The following ECE2 variants were observed in gnomAD, a reference collection of about 807,000 sequenced individuals.
ECE2 encodes the protein endothelin-converting enzyme 2.
A neutral mutation model predicts 100.6 loss-of-function variants in ECE2; 81 were observed. The ratio of observed to expected loss-of-function variants is 0.81; its 90% CI spans 0.67 to 0.97. ECE2 has a LOEUF of 0.97. ECE2 is among the 50% of genes least tolerant of loss of function. ECE2 has a pLI of 0.00. For synonymous variants in ECE2, 391 were observed against 391.5 expected (o/e 1.00, Z 0.02); for missense variants, 911 against 988.1 (o/e 0.92, Z 1.05).
chr3:184,285,414 C>A, intron 9 of ECE2, 64 bp from the exon 10 acceptor site: 2 of 1,267,550 alleles, frequency 1.6e-6, no homozygotes, highest in Non-Finnish European at 2.3e-6. Flanking sequence ...TTCCTGGGGG[C>A]TGGTTTGAGG....
At chr3:184,286,324 G>C (rs747537201) in intron 10 of ECE2, among the ~76,000 whole-genome samples, 1 of 152,172 alleles carries the variant, frequency 6.6e-6, no homozygotes, top group South Asian at 2.1e-4. Flanking sequence ...ACTTGGGAAG[G>C]GATCTGAATA....
At chr3:184,276,617 C>T (rs1228570426) in intron 2 of ECE2, 50 bp downstream of exon 2, 3 of 1,589,032 alleles carry the variant, frequency 1.9e-6, no homozygotes, top group South Asian at 2.3e-5. Flanking sequence ...CCTGGCATGA[C>T]GCCTGGCACA....
rs1334419117 is a variant in ECE2 at position 184,278,330 on chromosome 3, G to T, written c.750+17G>T. 1.2e-6 allele frequency: 2 copies of T among 1,612,942 alleles called. No homozygotes were observed. Among genetic ancestry groups the T allele is most frequent in the East Asian group, 2.2e-5 (1 of 44,886 alleles). On this transcript the variant is annotated intron_variant, in intron 6 of 18. Coordinates refer to ENST00000404464, the MANE Select transcript of ECE2 (RefSeq NM_001100121.2). Reference sequence around the variant, plus strand: ...GTTATCCAGGTGATGAGCTGGGAAAGGGTGGGGAGAGACTTAGGGACACTT... The same window carrying T: ...GTTATCCAGGTGATGAGCTGGGAAATGGTGGGGAGAGACTTAGGGACACTT...
intron 6 of ECE2, 47 bp downstream of exon 6, chr3:184,278,360 G>A (rs1369201888): frequency 1.9e-6 from 3 of 1,602,376 alleles, no homozygotes; most frequent in Non-Finnish European, 2.6e-6. Context: ...ACACTTTGCT[G>A]AGCCCAGACT....
chr3:184,277,161 C>G (rs1720592841), intron 3 of ECE2, 90 bp from the exon 4 acceptor site: 10 of 1,602,052 alleles, frequency 6.2e-6, no homozygotes, highest in Non-Finnish European at 8.5e-6. Context: ...TCTTCCCAAC[C>G]TTCCTGCTGT....
At position 184,289,310 on chromosome 3, in the gene ECE2, C is replaced by T; in HGVS notation, c.1375-127C>T. Reference sequence around the variant, plus strand: ...CTTCTCATCGTCTCCAGGTGCTCAGCCGTATTTCTTTAGTCTAGACGTTCC... The same window carrying T: ...CTTCTCATCGTCTCCAGGTGCTCAGTCGTATTTCTTTAGTCTAGACGTTCC... On this transcript the variant is annotated intron_variant, in intron 11 of 18. Transcript: ENST00000404464. This position sits in a 1 kb window ranked among gnomAD's most constrained non-coding sequence, Gnocchi z 4.1. The T allele has an allele frequency of 1.3e-6, 1 of 788,724 alleles. No individual in the cohort carries two copies. 48.9% of individuals were successfully genotyped at this position (788,724 alleles called of 1,614,324 possible).
At position 184,289,529 on chromosome 3, in the gene ECE2, G is replaced by A. The variant is rs1283162200; in HGVS notation, c.1467G>A (p.Lys489=). The A allele has an allele frequency of 2.5e-6, 4 of 1,613,342 alleles. No individual in the cohort carries two copies. The African/African-American group carries it at 4.0e-5, about 16-fold the overall frequency. The change falls in exon 12 of 19, where the codon AAG becomes AAA. Residue 489 remains lysine (K), a synonymous_variant. Transcript: ENST00000404464. This position sits in a 1 kb window ranked among gnomAD's most constrained non-coding sequence, Gnocchi z 4.1. ...ATGAGAAGACCCGCCAGGCAGCCAA[G>A]GAGAAAGTGAGCGGTGGCTAGGGTT... ...WMDEKTRQAA[K]EKADAIYDMI... is the part of the protein sequence containing the mutation.
intron 7 of ECE2, among the ~76,000 whole-genome samples, chr3:184,283,459 G>A (rs1720888919): frequency 6.7e-6 from 1 of 150,062 alleles, no homozygotes; most frequent in Non-Finnish European, 1.5e-5. Context: ...CTACTTGGGA[G>A]GCTGCAGCAG....
At position 184,287,828 on chromosome 3, in the gene ECE2, C is replaced by T; in HGVS notation, c.1264-9C>T. The T allele has an allele frequency of 6.2e-7, 1 of 1,613,758 alleles. No individual in the cohort carries two copies. Among genetic ancestry groups the T allele is most frequent in the Middle Eastern group, 1.7e-4 (1 of 6,050 alleles). On this transcript the variant is annotated splice_polypyrimidine_tract_variant and intron_variant, in intron 10 of 18. Coordinates refer to ENST00000404464, the MANE Select transcript of ECE2 (RefSeq NM_001100121.2). ...ATCTCTAGGGTCCTGGCTCTTTGTCCTTTAACAGTCCTGTGTGCCGAGGTG... is the reference window on the plus strand; with the variant it reads ...ATCTCTAGGGTCCTGGCTCTTTGTCTTTTAACAGTCCTGTGTGCCGAGGTG...
intron 7 of ECE2, among the ~76,000 whole-genome samples, chr3:184,280,705 G>A (rs1308755403): frequency 6.6e-6 from 1 of 152,068 alleles, no homozygotes; most frequent in Non-Finnish European, 1.5e-5. Context: ...TGGGCCGGGT[G>A]TGGTGGCTCT....
At chr3:184,281,424 AGGTG>A (rs1401095255) in intron 7 of ECE2, among the ~76,000 whole-genome samples, 1 of 152,208 alleles carries the variant, frequency 6.6e-6, no homozygotes, top group African/African-American at 2.4e-5. Flanking sequence ...AAAGGCTCCA[AGGTG>A]GGAAGGCATA....
At chr3:184,288,241 C>T (rs1234031080) in intron 11 of ECE2, among the ~76,000 whole-genome samples, 5 of 133,942 alleles carry the variant, frequency 3.7e-5, no homozygotes, top group African/African-American at 1.4e-4. Flanking sequence ...ACCCAGGAGG[C>T]GGAGGTTGCA....
In ECE2 at chr3:184,291,768, C is replaced by T. The variant is rs760455202; in HGVS notation, c.2122-294C>T. 2.5e-5 allele frequency: 13 copies of T among 512,762 alleles called. No individual in the cohort carries two copies. The highest frequency in any genetic ancestry group is 4.1e-5 in the Non-Finnish European group (12 of 289,458). 31.8% of individuals were successfully genotyped at this position (512,762 alleles called of 1,614,324 possible). On this transcript the variant is annotated intron_variant, in intron 18 of 18. Coordinates refer to ENST00000404464, the MANE Select transcript of ECE2 (RefSeq NM_001100121.2). This position sits in a 1 kb window ranked among gnomAD's most constrained non-coding sequence, Gnocchi z 4.1. ...TCCTGTGAGGGAGACATGCAGGAAA[C>T]GAAAGCTCGGGACGCAGAGTGGCCT...
chr3:184,285,235 T>C, intron 9 of ECE2, 130 bp downstream of exon 9: 3 of 1,326,284 alleles, frequency 2.3e-6, no homozygotes, highest in Non-Finnish European at 3.1e-6. Context: ...TGAATCAGAA[T>C]GTCTATGGGC....
chr3:184,277,337 T>G lies in ECE2; in HGVS notation c.349T>G (p.Cys117Gly), dbSNP rs1720603586. 6.2e-7 allele frequency: 1 copy of G among 1,614,246 alleles called. No homozygotes were observed. The highest frequency in any genetic ancestry group is 8.5e-7 in the Non-Finnish European group (1 of 1,180,038). Residue 117 changes from cysteine to glycine, a missense_variant, in exon 4 of 19, where the codon TGT (cysteine) becomes GGT (glycine). Coordinates refer to ENST00000404464, the MANE Select transcript of ECE2 (RefSeq NM_001100121.2). Reference protein sequence around the residue: ...LESLDRGVSPCEDFYQFSCGG... With the variant: ...LESLDRGVSPGEDFYQFSCGG... ...GTCCCTGGACCGAGGGGTGAGCCCC[T>G]GTGAGGACTTTTACCAGTTCTCCTG...
intron 10 of ECE2, among the ~76,000 whole-genome samples, chr3:184,285,997 G>A (rs1389122414): frequency 1.3e-5 from 2 of 152,158 alleles, no homozygotes; most frequent in African/African-American, 4.8e-5. Context: ...GAGTGGACAT[G>A]TAAACAAATA....
At chr3:184,282,392 G>A (rs1042292442) in intron 7 of ECE2, among the ~76,000 whole-genome samples, 11 of 152,218 alleles carry the variant, frequency 7.2e-5, no homozygotes, top group African/African-American at 2.4e-4. Flanking sequence ...GGCCTTTGGC[G>A]ATTAGTGGAG....
rs59328371 is a variant in ECE2 at position 184,279,627 on chromosome 3, A to G, written c.816+1070A>G. Among the ~76,000 whole-genome samples, 365 of 148,114 alleles carry G rather than the reference A, an allele frequency of 2.5e-3. 1 individual carries two copies. Among genetic ancestry groups the G allele is most frequent in the African/African-American group, 8.9e-3 (354 of 39,952 alleles). On this transcript the variant is annotated intron_variant, in intron 7 of 18. Transcript: ENST00000404464. ...AGCTGAGATGGCACCACTGCACTCCAGCCTGGGCAACAGAACAAGACTTCA... is the reference window on the plus strand; with the variant it reads ...AGCTGAGATGGCACCACTGCACTCCGGCCTGGGCAACAGAACAAGACTTCA...
chr3:184,276,704 T>C, intron 2 of ECE2, 137 bp downstream of exon 2: 1 of 1,540,338 alleles, frequency 6.5e-7, no homozygotes. Flanking sequence ...TCTAGGACTA[T>C]GGTGAGGCGA....
Sources: gnomAD v4.1 joint callset for allele counts (sites outside exome capture counted in the v4.1 genomes callset) on GRCh38, gnomAD v4.1.1 for gene constraint, Gnocchi (gnomAD v3.1) non-coding constraint, MANE v1.5 for transcripts, NCBI Gene and HGNC (gene_info 2026-07-23, HGNC 2026-07-21) for gene names.